Variants in SLIT2 observed in about 807,000 individuals in gnomAD.
SLIT2 encodes slit homolog 2 protein.
A neutral mutation model predicts 185.7 loss-of-function variants in SLIT2; 41 were observed. That is an observed-to-expected ratio of 0.22 (90% CI 0.17 to 0.29). SLIT2 has a LOEUF of 0.29. Ranked by LOEUF, SLIT2 falls within the 10% of genes least tolerant of loss-of-function variation. SLIT2 has a pLI of 1.00. For synonymous variants in SLIT2, 693 were observed against 680.2 expected, an observed-to-expected ratio of 1.02 and a Z score of -0.29; for missense variants, 1,571 against 1,909.0, an observed-to-expected ratio of 0.82 and a Z score of 3.30.
intron 4 of SLIT2, among the ~76,000 whole-genome samples, chr4:20,361,396 A>G (rs1164788096): frequency 6.6e-6 from 1 of 152,182 alleles, no homozygotes; most frequent in Non-Finnish European, 1.5e-5. Context: ...CTAATAAAAA[A>G]TAAAGCTAAA....
chr4:20,336,764 C>T (rs4280728), intron 4 of SLIT2, among the ~76,000 whole-genome samples: 131,373 of 152,254 alleles, frequency 0.86, 56,824 homozygotes, highest in African/African-American at 0.9. Context: ...CCAGTTTGCA[C>T]ATGTTCCAAG....
chr4:20,295,251 C>A (rs1716345102), intron 4 of SLIT2, among the ~76,000 whole-genome samples: 1 of 152,194 alleles, frequency 6.6e-6, no homozygotes, highest in Non-Finnish European at 1.5e-5. Context: ...ACTGGAATTT[C>A]TTTGCTTAAA....
chr4:20,319,810 A>C (rs567577065), intron 4 of SLIT2, among the ~76,000 whole-genome samples: 256 of 108,928 alleles, frequency 2.4e-3, no homozygotes, highest in East Asian at 0.022. Flanking sequence ...AAAAAACAAA[A>C]CAAAAAAAAA....
chr4:20,517,108 C>T (rs1422224602), intron 11 of SLIT2, among the ~76,000 whole-genome samples: 3 of 152,168 alleles, frequency 2.0e-5, no homozygotes, highest in African/African-American at 4.8e-5. Context: ...TGCAGGTCCT[C>T]CACAATTTAT....
At chr4:20,283,253 C>T (rs1241531675) in intron 4 of SLIT2, among the ~76,000 whole-genome samples, 1 of 152,170 alleles carries the variant, frequency 6.6e-6, no homozygotes, top group Admixed American at 6.5e-5. Context: ...GGAACACCTG[C>T]TGTGCACAGC....
chr4:20,426,190 G>A (rs926331617), intron 4 of SLIT2, among the ~76,000 whole-genome samples: 1 of 152,156 alleles, frequency 6.6e-6, no homozygotes, highest in Non-Finnish European at 1.5e-5. Context: ...GAATGAAGCA[G>A]CTCCAAACCT....
At chr4:20,287,606 G>A (rs1371389410) in intron 4 of SLIT2, among the ~76,000 whole-genome samples, 1 of 152,132 alleles carries the variant, frequency 6.6e-6, no homozygotes, top group Non-Finnish European at 1.5e-5. Flanking sequence ...TTTTTCTCCT[G>A]TGAGGCTTGT....
At chr4:20,586,142 C>T (rs994743572) in intron 29 of SLIT2, among the ~76,000 whole-genome samples, 3 of 152,118 alleles carry the variant, frequency 2.0e-5, no homozygotes, top group East Asian at 1.9e-4. Flanking sequence ...CTTTTGAAAG[C>T]GGTCCTTCCC....
Position 20,254,971 on chromosome 4 carries a change from C to G in SLIT2, c.179+977C>G, listed in dbSNP as rs1193200256. ...ATGCAGACCCGGTGTTGACGGCCCA[C>G]GCGCTCCTGATGAGGCGCTTCCAGA... On this transcript the variant is annotated intron_variant, in intron 1 of 36. Transcript: ENST00000504154. This position sits in a 1 kb window ranked among gnomAD's most constrained non-coding sequence, Gnocchi z 5.1. 1 of 456,312 alleles carries G rather than the reference C, an allele frequency of 2.2e-6. No individual in the cohort carries two copies. Among genetic ancestry groups the G allele is most frequent in the South Asian group, 1.5e-5 (1 of 64,572 alleles). The allele number at this position is 456,312 out of a possible 1,614,324, so 28.3% of individuals were successfully genotyped here. A position where few individuals can be genotyped will look rare whatever the true frequency, so the allele number is the denominator to read the frequency against.
chr4:20,540,811 A>T (rs192200618), intron 19 of SLIT2, among the ~76,000 whole-genome samples: 6 of 152,340 alleles, frequency 3.9e-5, no homozygotes, highest in Admixed American at 3.9e-4. Context: ...GCTAATTTGC[A>T]CATATTAAAG....
chr4:20,503,420 T>C (rs1427261711), intron 9 of SLIT2, among the ~76,000 whole-genome samples: 1 of 152,192 alleles, frequency 6.6e-6, no homozygotes, highest in Non-Finnish European at 1.5e-5. Context: ...GTGTCTAAAA[T>C]TTTTGTTATT....
At chr4:20,331,268 G>T (rs868868649) in intron 4 of SLIT2, among the ~76,000 whole-genome samples, 5 of 152,030 alleles carry the variant, frequency 3.3e-5, no homozygotes, top group African/African-American at 9.7e-5. Flanking sequence ...CTATCTGGAG[G>T]TAAAAGAAAT....
At chr4:20,329,749 G>A (rs1393897216) in intron 4 of SLIT2, among the ~76,000 whole-genome samples, 1 of 152,038 alleles carries the variant, frequency 6.6e-6, no homozygotes, top group East Asian at 1.9e-4. Context: ...CATGATGTTT[G>A]ATGTTTTCAT....
At chr4:20,497,533 G>T (rs1718334510) in intron 9 of SLIT2, among the ~76,000 whole-genome samples, 1 of 152,092 alleles carries the variant, frequency 6.6e-6, no homozygotes, top group Non-Finnish European at 1.5e-5. Flanking sequence ...CGTAGACAAG[G>T]CATTAAGATA....
At chr4:20,385,165 G>A (rs1425522528) in intron 4 of SLIT2, among the ~76,000 whole-genome samples, 1 of 152,124 alleles carries the variant, frequency 6.6e-6, no homozygotes, top group Non-Finnish European at 1.5e-5. Flanking sequence ...GCCAGGGTTA[G>A]GGGTTGTTTG....
At position 20,568,803 on chromosome 4, in the gene SLIT2, G is replaced by A. The variant is rs866071158; in HGVS notation, c.2949-62G>A. On this transcript the variant is annotated intron_variant, in intron 28 of 36. Transcript: ENST00000504154. ...GTAATTATGCTTTTTTCAATATTTAGACCACATGACTTTAAAATGCAACAA... is the reference window on the plus strand; with the variant it reads ...GTAATTATGCTTTTTTCAATATTTAAACCACATGACTTTAAAATGCAACAA... The A allele has an allele frequency of 4.1e-5, 61 of 1,480,168 alleles. No homozygotes were observed. In the Middle Eastern group the frequency reaches 8.9e-4, roughly 22 times the overall value. The allele number at this position is 1,480,168 out of a possible 1,614,324, so 91.7% of individuals were successfully genotyped here.
intron 4 of SLIT2, among the ~76,000 whole-genome samples, chr4:20,415,834 T>G (rs182870817): frequency 6.6e-6 from 1 of 152,306 alleles, no homozygotes; most frequent in African/African-American, 2.4e-5. Context: ...ATTTAACATT[T>G]TTAACATAAT....
chr4:20,583,340 G>A (rs905100403), intron 29 of SLIT2, among the ~76,000 whole-genome samples: 1 of 152,134 alleles, frequency 6.6e-6, no homozygotes, highest in Admixed American at 6.5e-5. Flanking sequence ...ATTTGAAAAA[G>A]CTATAGGCAG....
intron 11 of SLIT2, among the ~76,000 whole-genome samples, chr4:20,513,074 G>T (rs1349846282): frequency 1.3e-5 from 2 of 152,048 alleles, no homozygotes; most frequent in African/African-American, 4.8e-5. Flanking sequence ...TTTGCTATTT[G>T]CTAACACATG....
Sources: gnomAD v4.1 joint callset for allele counts (sites outside exome capture counted in the v4.1 genomes callset) on GRCh38, gnomAD v4.1.1 for gene constraint, Gnocchi (gnomAD v3.1) non-coding constraint, MANE v1.5 for transcripts, NCBI Gene and HGNC (gene_info 2026-07-23, HGNC 2026-07-21) for gene names.